Variants in ALDH3B2 observed in about 807,000 individuals in gnomAD.
ALDH3B2 encodes the protein aldehyde dehydrogenase 3 family member B2.
ALDH3B2 carries 45 observed loss-of-function variants against 36.7 expected under a neutral mutation model. The ratio of observed to expected loss-of-function variants is 1.23; its 90% CI spans 0.97 to 1.57. ALDH3B2 has a LOEUF of 1.57. Among genes scored for constraint, ALDH3B2 ranks in the 40% most tolerant of loss-of-function variants. ALDH3B2 has a pLI of 0.00. For synonymous variants in ALDH3B2, 217 were observed against 226.5 expected, an observed-to-expected ratio of 0.96 and a Z score of 0.38; for missense variants, 464 against 513.3, an observed-to-expected ratio of 0.90 and a Z score of 0.93.
chr11:67,666,105 T>C lies in ALDH3B2; in HGVS notation c.319+17A>G. ...ATCCCCTCCACCTACTCTGGGACCC[T>C]GGCCTGGCCCCCTCACCTGTGAAGA... is the stretch of plus-strand genomic sequence containing the variant. On this transcript the variant is annotated intron_variant, in intron 6 of 9. Coordinates refer to ENST00000349015, the Ensembl canonical transcript of ALDH3B2. 6.6e-7 allele frequency: 1 copy of C among 1,511,802 alleles called. No homozygotes were observed. The highest frequency in any genetic ancestry group is 9.0e-7 in the Non-Finnish European group (1 of 1,113,868). 93.6% of individuals were successfully genotyped at this position (1,511,802 alleles called of 1,614,324 possible).
At chr11:67,665,631 G>C (rs1855885838) in exon 7 of ALDH3B2, 4 of 1,613,264 alleles carry the variant, frequency 2.5e-6, no homozygotes, top group Non-Finnish European at 2.5e-6. Flanking sequence ...TCAGGTGCTT[G>C]GTGGCAGCAG....
chr11:67,666,947 G>A (rs1164629899), exon 3 of ALDH3B2: 3 of 1,614,168 alleles, frequency 1.9e-6, no homozygotes, highest in Admixed American at 1.7e-5. Context: ...CAGGCCTGCA[G>A]GTTCTTGAGA....
At chr11:67,665,913 C>T (rs1446474419) in intron 6 of ALDH3B2, among the ~76,000 whole-genome samples, 1 of 152,208 alleles carries the variant, frequency 6.6e-6, no homozygotes, top group Non-Finnish European at 1.5e-5. Context: ...GGCTCACCCA[C>T]TGGGACCTGC....
At chr11:67,675,849 A>G (rs953794091), upstream of ALDH3B2, among the ~76,000 whole-genome samples, 5 of 152,226 alleles carry the variant, frequency 3.3e-5, no homozygotes, top group Admixed American at 1.3e-4. Flanking sequence ...TGTGAATGCT[A>G]TCTCAATAAG....
rs1591142654 is a variant in ALDH3B2 at position 67,665,996 on chromosome 11, CTG to C, written c.319+124_319+125del. 6.3e-6 allele frequency: 8 copies of C among 1,274,670 alleles called. No individual in the cohort carries two copies. In the East Asian group the frequency reaches 1.9e-4, roughly 30 times the overall value. The allele number at this position is 1,274,670 out of a possible 1,614,324, so 79.0% of individuals were successfully genotyped here. A position where few individuals can be genotyped will look rare whatever the true frequency, so the allele number is the denominator to read the frequency against. ...CGTGGCCTATGCAGGCAGACGGACT[CTG>C]TGCCAGCTCCAGCTCCCCACGTGCC... On this transcript the variant is annotated intron_variant, in intron 6 of 9. Coordinates refer to ENST00000349015, the Ensembl canonical transcript of ALDH3B2.
At chr11:67,665,578 A>T in exon 7 of ALDH3B2, 1 of 1,614,072 alleles carries the variant, frequency 6.2e-7, no homozygotes. Context: ...GTTGTCGTCC[A>T]CGTAGCAGGG....
At chr11:67,666,060 T>G in intron 6 of ALDH3B2, 62 bp downstream of exon 6, 6 of 1,008,196 alleles carry the variant, frequency 6.0e-6, no homozygotes, top group Non-Finnish European at 8.8e-6. Flanking sequence ...TCCACAACCC[T>G]CCCACCCTCT....
rs553949060 is a variant in ALDH3B2 at position 67,674,155 on chromosome 11, C to T, written c.-245+282G>A. Among the ~76,000 whole-genome samples the T allele has an allele frequency of 3.9e-5, 6 of 152,276 alleles. No individual in the cohort carries two copies. The South Asian group carries it at 1.2e-3, about 32-fold the overall frequency. The stretch of plus-strand genomic sequence containing the variant: ...CCTCAAAGGGAGGACGGGGTCTGTC[C>T]CCATCCCTGGGGCTCCTGGGGAACA... On this transcript the variant is annotated intron_variant, in intron 1 of 9. Coordinates refer to ENST00000349015, the Ensembl canonical transcript of ALDH3B2.
chr11:67,670,120 C>CTG (rs1247155235), intron 1 of ALDH3B2, among the ~76,000 whole-genome samples: 1 of 39,080 alleles, frequency 2.6e-5, no homozygotes, highest in African/African-American at 1.0e-4. Context: ...GTATGGGTGT[C>CTG]TGTGTGTGTG....
At chr11:67,662,935 C>A in exon 10 of ALDH3B2, 1 of 467,600 alleles carries the variant, frequency 2.1e-6, no homozygotes. Flanking sequence ...TCTGGCCAAC[C>A]CTGACCGAGA....
chr11:67,668,872 TTG>T (rs1424404132), intron 1 of ALDH3B2, among the ~76,000 whole-genome samples: 9 of 149,360 alleles, frequency 6.0e-5, no homozygotes, highest in African/African-American at 2.2e-4. Flanking sequence ...CTGTGTGTCT[TTG>T]TGTGTATGGG....
At chr11:67,663,436 C>T (rs1190271003) in intron 9 of ALDH3B2, 37 bp from the exon 10 acceptor site, 2 of 1,586,760 alleles carry the variant, frequency 1.3e-6, no homozygotes, top group Admixed American at 1.9e-5. Flanking sequence ...TGAGACCAGG[C>T]AGCCCATGGA....
At position 67,666,115 on chromosome 11, in the gene ALDH3B2, C is replaced by G; in HGVS notation, c.319+7G>C. On this transcript the variant is annotated splice_region_variant and intron_variant, in intron 6 of 9. Transcript: ENST00000349015. The stretch of plus-strand genomic sequence containing the variant: ...CCTACTCTGGGACCCTGGCCTGGCC[C>G]CCTCACCTGTGAAGAAGATGTAGTC... 1.2e-6 allele frequency: 2 copies of G among 1,614,090 alleles called. No homozygotes were observed. The highest frequency in any genetic ancestry group is 1.7e-6 in the Non-Finnish European group (2 of 1,179,964).
At chr11:67,663,066 T>A in exon 10 of ALDH3B2, 1 of 1,006,536 alleles carries the variant, frequency 9.9e-7, no homozygotes, top group Non-Finnish European at 1.5e-6. Flanking sequence ...TTTGCAGCCC[T>A]GGCAGGCAGG....
chr11:67,669,436 C>T (rs1291391699), intron 1 of ALDH3B2, among the ~76,000 whole-genome samples: 1 of 96,816 alleles, frequency 1.0e-5, no homozygotes, highest in Non-Finnish European at 2.1e-5. Flanking sequence ...GTGTGTGTGT[C>T]CATGTGTGTC....
upstream of ALDH3B2, among the ~76,000 whole-genome samples, chr11:67,679,546 G>C (rs190956985): frequency 7.9e-5 from 12 of 152,058 alleles, no homozygotes; most frequent in East Asian, 2.1e-3. Flanking sequence ...TTGGGAGGTG[G>C]AAGTGGGAAG....
intron 1 of ALDH3B2, among the ~76,000 whole-genome samples, chr11:67,671,669 C>G (rs576781352): frequency 5.9e-5 from 9 of 151,802 alleles, no homozygotes; most frequent in African/African-American, 1.7e-4. Flanking sequence ...GCCTCAACCT[C>G]CCGAGTAGCT....
At chr11:67,672,111 TG>T (rs1240077666) in intron 1 of ALDH3B2, among the ~76,000 whole-genome samples, 46 of 99,766 alleles carry the variant, frequency 4.6e-4, no homozygotes, top group African/African-American at 2.0e-3. Flanking sequence ...TTTGTGTGTG[TG>T]TGTGTGTGTG....
chr11:67,666,126 G>A (rs758727926), exon 6 of ALDH3B2: 3 of 1,613,958 alleles, frequency 1.9e-6, no homozygotes, highest in South Asian at 1.1e-5. Flanking sequence ...CCTCACCTGT[G>A]AAGAAGATGT....
Sources: allele counts gnomAD v4.1 joint callset (sites outside exome capture counted in the v4.1 genomes callset), GRCh38; gene constraint gnomAD v4.1.1; transcripts MANE v1.5; gene names NCBI Gene and HGNC (gene_info 2026-07-23, HGNC 2026-07-21).